DHRSX: variants seen among roughly 807,000 people sequenced by gnomAD.
DHRSX encodes the protein dehydrogenase/reductase X-linked, also known as polyprenol dehydrogenase.
DHRSX carries 31 observed loss-of-function variants against 34.0 expected under a neutral mutation model. The observed-to-expected ratio is 0.91, with a 90% CI of 0.69 to 1.23. The LOEUF (loss-of-function observed/expected upper bound fraction) is 1.23. DHRSX is among the 50% of genes most tolerant of loss of function. The probability of loss-of-function intolerance (pLI) is 0.00; values close to 1 mark genes in which losing one functional copy is unlikely to be tolerated. For missense variants in DHRSX, 414 were observed against 428.1 expected, an observed-to-expected ratio of 0.97 and a Z score of 0.29; for synonymous variants, 201 against 183.8, an observed-to-expected ratio of 1.09 and a Z score of -0.76.
intron 1 of DHRSX, among the ~76,000 whole-genome samples, chrX:2,430,394 C>T (rs2043903658): frequency 6.6e-6 from 1 of 152,106 alleles, no homozygotes; most frequent in African/African-American, 2.4e-5. Context: ...TGTACCCACA[C>T]AGACACCCCC....
chrX:2,379,615 T>G lies in DHRSX; in HGVS notation c.286+29130A>C, dbSNP rs776682223. Among the ~76,000 whole-genome samples, 107 of 150,640 alleles carry G rather than the reference T, an allele frequency of 7.1e-4. 1 individual carries two copies. The East Asian group carries it at 0.014, about 20-fold the overall frequency. ...TGGAGGTTTTTTTTTTTTTTTTTTT[T>G]TTTTAATGATGCTGCTGTTTCTTAA... On this transcript the variant is annotated intron_variant, in intron 3 of 6. Coordinates refer to ENST00000334651, the MANE Select transcript of DHRSX (RefSeq NM_145177.3).
At chrX:2,388,635 G>T (rs2043299541) in intron 3 of DHRSX, among the ~76,000 whole-genome samples, 1 of 150,914 alleles carries the variant, frequency 6.6e-6, no homozygotes, top group South Asian at 2.1e-4. Context: ...ATAGCAGCCT[G>T]AAATGGACTA....
At chrX:2,251,929 C>T (rs1485257403) in intron 5 of DHRSX, among the ~76,000 whole-genome samples, 1 of 151,998 alleles carries the variant, frequency 6.6e-6, no homozygotes, top group Non-Finnish European at 1.5e-5. Context: ...GAAAGGCTGA[C>T]TGCATAATAA....
chrX:2,293,729 C>A (rs1360877664), intron 3 of DHRSX, among the ~76,000 whole-genome samples: 2 of 151,958 alleles, frequency 1.3e-5, no homozygotes, highest in African/African-American at 2.4e-5. Context: ...CACTGGGGAG[C>A]CTCATAGGGG....
At chrX:2,395,176 C>T (rs1001575510) in intron 3 of DHRSX, among the ~76,000 whole-genome samples, 1 of 152,150 alleles carries the variant, frequency 6.6e-6, no homozygotes, top group African/African-American at 2.4e-5. Flanking sequence ...TTCTTTCCTG[C>T]ACCTGTTTCC....
intron 4 of DHRSX, among the ~76,000 whole-genome samples, chrX:2,285,513 C>T (rs1270876022): frequency 1.3e-5 from 2 of 152,156 alleles, no homozygotes; most frequent in African/African-American, 4.8e-5. Flanking sequence ...CTCAGGCAGT[C>T]ATGTGAACAA....
Position 2,482,669 on chromosome X carries a change from A to C in DHRSX, c.109+18148T>G, listed in dbSNP as rs188999281. ...CCAACACCTTTTAAAACCTAAACAT[A>C]ATTCTTAGCTTGTGGATACAGTTTT... On this transcript the variant is annotated intron_variant, in intron 1 of 6. Coordinates refer to ENST00000334651, the MANE Select transcript of DHRSX (RefSeq NM_145177.3). 2.0e-5 allele frequency among the ~76,000 whole-genome samples: 3 copies of C among 152,326 alleles called. No homozygotes were observed. The East Asian group carries it at 5.8e-4, about 29-fold the overall frequency.
At chrX:2,469,279 CGT>C (rs1293836231) in intron 1 of DHRSX, among the ~76,000 whole-genome samples, 1 of 149,170 alleles carries the variant, frequency 6.7e-6, no homozygotes, top group Non-Finnish European at 1.5e-5. Flanking sequence ...GGACTGCCAC[CGT>C]GTACACGCTG....
chrX:2,411,369 G>C (rs1184878529), intron 2 of DHRSX, among the ~76,000 whole-genome samples: 2 of 151,628 alleles, frequency 1.3e-5, no homozygotes, highest in Non-Finnish European at 2.9e-5. Context: ...GCCAACATGA[G>C]GAAACCCCAT....
At chrX:2,492,399 AGAG>A (rs1293445109) in intron 1 of DHRSX, among the ~76,000 whole-genome samples, 4 of 151,776 alleles carry the variant, frequency 2.6e-5, no homozygotes, top group Non-Finnish European at 5.9e-5. Context: ...AGGAGCTGGG[AGAG>A]GCAGGAAGGA....
chrX:2,445,586 C>G (rs906230796), intron 1 of DHRSX, among the ~76,000 whole-genome samples: 9 of 151,850 alleles, frequency 5.9e-5, no homozygotes, highest in African/African-American at 2.2e-4. Context: ...CCTAAGAATG[C>G]GGCCAAGGGA....
chrX:2,257,249 C>T (rs2041292312), intron 5 of DHRSX, among the ~76,000 whole-genome samples: 1 of 152,210 alleles, frequency 6.6e-6, no homozygotes, highest in Admixed American at 6.5e-5. Context: ...CCACCATGCC[C>T]GGCCCACTCA....
chrX:2,455,741 C>CAAAAAAAAAAA (rs752123891), intron 1 of DHRSX, among the ~76,000 whole-genome samples: 10 of 59,780 alleles, frequency 1.7e-4, no homozygotes, highest in Non-Finnish European at 2.0e-4. Context: ...AACTTCGTCT[C>CAAAAAAAAAAA]AAAAAAAAAA....
chrX:2,473,609 T>G, intron 1 of DHRSX, among the ~76,000 whole-genome samples: 1 of 138,288 alleles, frequency 7.2e-6, no homozygotes, highest in African/African-American at 3.0e-5. Flanking sequence ...GGTGACAGGG[T>G]GACAGAGCAA....
chrX:2,483,445 T>A (rs2044804614), intron 1 of DHRSX, among the ~76,000 whole-genome samples: 1 of 151,860 alleles, frequency 6.6e-6, no homozygotes, highest in Non-Finnish European at 1.5e-5. Context: ...TTTTTTGTAT[T>A]TTTAGTAGGG....
chrX:2,469,870 G>A (rs758791050), intron 1 of DHRSX, among the ~76,000 whole-genome samples: 33 of 152,274 alleles, frequency 2.2e-4, no homozygotes, highest in African/African-American at 7.7e-4. Context: ...AGGAAAGAAT[G>A]GTGTGCAGGA....
intron 3 of DHRSX, among the ~76,000 whole-genome samples, chrX:2,314,068 C>T: frequency 6.6e-6 from 1 of 151,168 alleles, no homozygotes. Context: ...TAGCAGACTT[C>T]AGAGAGAACA....
intron 1 of DHRSX, among the ~76,000 whole-genome samples, chrX:2,426,028 C>T (rs1473318191): frequency 6.6e-6 from 1 of 151,974 alleles, no homozygotes; most frequent in Non-Finnish European, 1.5e-5. Flanking sequence ...ATATGCAACC[C>T]CAATAAAGGA....
chrX:2,257,292 C>T (rs187965347), intron 5 of DHRSX, among the ~76,000 whole-genome samples: 206 of 152,226 alleles, frequency 1.4e-3, no homozygotes, highest in African/African-American at 4.6e-3. Context: ...TCATATGTGA[C>T]GCAGGGATGA....
Sources: gnomAD v4.1 joint callset for allele counts (sites outside exome capture counted in the v4.1 genomes callset) on GRCh38, gnomAD v4.1.1 for gene constraint, MANE v1.5 for transcripts, NCBI Gene and HGNC (gene_info 2026-07-23, HGNC 2026-07-21) for gene names.